Variants in MEIOSIN observed in about 807,000 individuals in gnomAD.
The protein encoded by MEIOSIN is meiosis initiator protein.
MEIOSIN carries 18 observed loss-of-function variants against 23.4 expected under a neutral mutation model. The ratio of observed to expected loss-of-function variants is 0.77; its 90% CI spans 0.53 to 1.14. The LOEUF (loss-of-function observed/expected upper bound fraction) is 1.14, where lower values mean the gene tolerates loss of function less well. MEIOSIN is among the 50% of genes most tolerant of loss of function. MEIOSIN has a pLI of 0.00. For synonymous variants in MEIOSIN, 187 were observed against 100.6 expected (o/e 1.86, Z -5.14); for missense variants, 428 against 242.9 (o/e 1.76, Z -5.07).
intron 9 of MEIOSIN, among the ~76,000 whole-genome samples, 184 bp from the exon 10 acceptor site, chr19:45,758,694 T>C (rs547068089): frequency 2.0e-5 from 3 of 152,330 alleles, no homozygotes; most frequent in African/African-American, 7.2e-5. Context: ...CCTCCCAAAG[T>C]GCTGGGTTAC....
At chr19:45,749,775 C>T (rs1291752124) in intron 4 of MEIOSIN, among the ~76,000 whole-genome samples, 2 of 148,166 alleles carry the variant, frequency 1.3e-5, no homozygotes, top group African/African-American at 5.0e-5. Context: ...GAGACCAAGG[C>T]GGGCAGATCA....
intron 5 of MEIOSIN, 112 bp downstream of exon 5, chr19:45,750,898 A>G (rs1968691103): frequency 4.9e-6 from 2 of 407,588 alleles, no homozygotes; most frequent in South Asian, 1.2e-4. Context: ...GGACAAAGAG[A>G]GATATGCAAG....
chr19:45,756,363 C>T (rs902116644), intron 8 of MEIOSIN, among the ~76,000 whole-genome samples: 1 of 152,238 alleles, frequency 6.6e-6, no homozygotes, highest in African/African-American at 2.4e-5. Flanking sequence ...ACGTTGACCA[C>T]GGAGTTTGTG....
chr19:45,738,462 A>G (rs1292200050), intron 2 of MEIOSIN, among the ~76,000 whole-genome samples: 1 of 152,218 alleles, frequency 6.6e-6, no homozygotes, highest in Non-Finnish European at 1.5e-5. Flanking sequence ...TACTAAAGAT[A>G]CAAAATTTAG....
chr19:45,762,076 T>C lies in MEIOSIN; in HGVS notation c.1572T>C (p.Pro524=), dbSNP rs2146201531. The C allele has an allele frequency of 2.1e-6, 1 of 465,958 alleles. No homozygotes were observed. The allele number at this position is 465,958 out of a possible 1,614,324, so 28.9% of individuals were successfully genotyped here. ...KATKGQVARA[P]VKPKEKKKGP... ...CGAAGGGCCAAGTAGCCAGGGCCCC[T>C]GTGAAGCCCAAGGAGAAGAAGAAAG... is the stretch of plus-strand genomic sequence containing the variant. The change falls in exon 13 of 15, where the codon CCT becomes CCC. Residue 524 remains proline, a synonymous_variant. Transcript: ENST00000457052.
chr19:45,756,125 G>A (rs1281383742), intron 8 of MEIOSIN, 47 bp downstream of exon 8: 3 of 699,842 alleles, frequency 4.3e-6, no homozygotes, highest in Admixed American at 2.0e-5. Context: ...GAGGGGTTTG[G>A]TCTGGCGTGG....
chr19:45,736,130 C>T (rs1968404400), intron 2 of MEIOSIN, among the ~76,000 whole-genome samples: 1 of 152,060 alleles, frequency 6.6e-6, no homozygotes, highest in African/African-American at 2.4e-5. Context: ...CCTCGGACTC[C>T]TGGGTTTGAG....
At chr19:45,752,444 T>C (rs1968731472) in intron 5 of MEIOSIN, among the ~76,000 whole-genome samples, 1 of 152,050 alleles carries the variant, frequency 6.6e-6, no homozygotes, top group South Asian at 2.1e-4. Context: ...TCACCTCAAG[T>C]GATCCACCCA....
At chr19:45,748,315 C>T (rs1302009684) in intron 4 of MEIOSIN, among the ~76,000 whole-genome samples, 2 of 152,192 alleles carry the variant, frequency 1.3e-5, no homozygotes, top group Admixed American at 6.5e-5. Context: ...CTCCTGACTT[C>T]GTGATCCACC....
chr19:45,748,730 C>T (rs933402319), intron 4 of MEIOSIN, among the ~76,000 whole-genome samples: 1 of 152,102 alleles, frequency 6.6e-6, no homozygotes, highest in African/African-American at 2.4e-5. Context: ...TTAGCGAGTG[C>T]CAACCATATG....
intron 5 of MEIOSIN, among the ~76,000 whole-genome samples, chr19:45,751,864 A>G (rs189875712): frequency 1.1e-4 from 16 of 150,010 alleles, no homozygotes; most frequent in African/African-American, 3.9e-4. Context: ...CCGAGTAGGT[A>G]GGATTACAGG....
chr19:45,762,105 C>T lies in MEIOSIN; in HGVS notation c.1601C>T (p.Pro534Leu), dbSNP rs1024616740. Residue 534 changes from proline (P) to leucine (L), a missense_variant, in exon 13 of 15, where the codon CCC (proline) becomes CTC (leucine). Pro to Leu is a moderately conservative substitution (Grantham distance 98). Transcript: ENST00000457052. ...PVKPKEKKKG[P>L]CPPQMKKKCV... ...AAGCCCAAGGAGAAGAAGAAAGGCC[C>T]CTGCCCACCCCAGATGAAGAAGAAG... 4 of 438,924 alleles carry T rather than the reference C, an allele frequency of 9.1e-6. No individual in the cohort carries two copies. The highest frequency in any genetic ancestry group is 6.0e-5 in the African/African-American group (3 of 49,714). 27.2% of individuals were successfully genotyped at this position (438,924 alleles called of 1,614,324 possible). A position where few individuals can be genotyped will look rare whatever the true frequency, so the allele number is the denominator to read the frequency against.
intron 2 of MEIOSIN, 134 bp downstream of exon 2, chr19:45,735,581 A>C (rs534008839): frequency 1.8e-6 from 1 of 570,916 alleles, no homozygotes; most frequent in Non-Finnish European, 3.1e-6. Context: ...CTGTTAATCC[A>C]TACAACAATC....
chr19:45,737,299 C>A (rs945595656), intron 2 of MEIOSIN, among the ~76,000 whole-genome samples: 39 of 151,876 alleles, frequency 2.6e-4, no homozygotes, highest in Non-Finnish European at 3.2e-4. Context: ...CCCATCTCAG[C>A]CCCCTGAGTA....
At chr19:45,756,789 T>G (rs1968839356) in intron 8 of MEIOSIN, among the ~76,000 whole-genome samples, 1 of 152,132 alleles carries the variant, frequency 6.6e-6, no homozygotes, top group Non-Finnish European at 1.5e-5. Flanking sequence ...CCCTCTCTCC[T>G]GCCCTTCACC....
intron 2 of MEIOSIN, among the ~76,000 whole-genome samples, chr19:45,735,890 T>TA (rs1968401741): frequency 6.6e-6 from 1 of 152,152 alleles, no homozygotes. Context: ...TTCCCCAGGC[T>TA]AGTCTTCAAC....
rs1280243198 is a variant in MEIOSIN, at chr19:45,754,697, G to A, written c.775G>A (p.Glu259Lys). 12 of 702,952 alleles carry A rather than the reference G, an allele frequency of 1.7e-5. No homozygotes were observed. The highest frequency in any genetic ancestry group is 6.0e-5 in the Admixed American group (3 of 50,002). 43.5% of individuals were successfully genotyped at this position (702,952 alleles called of 1,614,324 possible). The stretch of plus-strand genomic sequence containing the variant: ...CCAGCTGACGCTGTTGGATCTGGCC[G>A]AGGACACCATCCACTGTGACATCTC... ...QSQLTLLDLAEDTIHCDISSC... is the reference protein window; with the variant it reads ...QSQLTLLDLAKDTIHCDISSC... Residue 259 changes from glutamate (E) to lysine (K), a missense_variant, in exon 7 of 15, where the codon GAG becomes AAG. Transcript: ENST00000457052.
chr19:45,739,440 A>G (rs1464967505), intron 2 of MEIOSIN, among the ~76,000 whole-genome samples, 186 bp from the exon 3 acceptor site: 2 of 152,138 alleles, frequency 1.3e-5, no homozygotes, highest in African/African-American at 4.8e-5. Context: ...GGCGTGAGTC[A>G]TTGTGCTCAG....
At chr19:45,734,653 GC>G (rs1327216050) in intron 1 of MEIOSIN, among the ~76,000 whole-genome samples, 3 of 150,490 alleles carry the variant, frequency 2.0e-5, no homozygotes, top group Non-Finnish European at 4.4e-5. Context: ...ACAAGCATGT[GC>G]CACTATGCCC....
Sources: allele counts gnomAD v4.1 joint callset (sites outside exome capture counted in the v4.1 genomes callset), GRCh38; gene constraint gnomAD v4.1.1; transcripts MANE v1.5; gene names NCBI Gene and HGNC (gene_info 2026-07-23, HGNC 2026-07-21).